The following LPCAT4 variants were observed in gnomAD, a reference collection of about 807,000 sequenced individuals.
The protein encoded by LPCAT4 is lysophosphatidylcholine acyltransferase 4.
A neutral mutation model predicts 66.5 loss-of-function variants in LPCAT4; 30 were observed. The observed-to-expected ratio is 0.45, with a 90% CI of 0.34 to 0.61. The LOEUF (loss-of-function observed/expected upper bound fraction) is 0.61, where lower values mean the gene tolerates loss of function less well. LPCAT4 is among the 20% of genes least tolerant of loss of function. The pLI, the probability that LPCAT4 is intolerant of heterozygous loss-of-function variation, is 0.01. For missense variants in LPCAT4, 557 were observed against 656.7 expected, an observed-to-expected ratio of 0.85 and a Z score of 1.66; for synonymous variants, 253 against 262.1, an observed-to-expected ratio of 0.97 and a Z score of 0.34.
intron 3 of LPCAT4, 89 bp from the exon 4 acceptor site, chr15:34,364,395 G>T: frequency 2.7e-6 from 2 of 734,918 alleles, no homozygotes; most frequent in Non-Finnish European, 4.6e-6. Flanking sequence ...AACAGCATGA[G>T]AAGTTTCTGT....
chr15:34,363,979 C>T lies in LPCAT4; in HGVS notation c.652+34G>A, dbSNP rs1891009476. The T allele has an allele frequency of 6.3e-7, 1 of 1,594,862 alleles. No homozygotes were observed. The highest frequency in any genetic ancestry group is 1.1e-5 in the South Asian group (1 of 89,976). On this transcript the variant is annotated intron_variant, in intron 5 of 13. Coordinates refer to ENST00000314891, the MANE Select transcript of LPCAT4 (RefSeq NM_153613.3). This position sits in a 1 kb window ranked among gnomAD's most constrained non-coding sequence, Gnocchi z 4.3. ...CTCCCCAAATCTGGAACTTCTTTTT[C>T]CTACAGCCCACCACCCACTATCATT... is the stretch of plus-strand genomic sequence containing the variant.
Position 34,359,003 on chromosome 15 carries a change from T to A in LPCAT4, c.*124A>T. Reference sequence around the variant, plus strand: ...AAATCAACCAAACAAAAAATTAAAATCAACTTAAAAAAACAACAACCAAAC... The same window carrying A: ...AAATCAACCAAACAAAAAATTAAAAACAACTTAAAAAAACAACAACCAAAC... On this transcript the variant is annotated 3_prime_UTR_variant, in exon 14 of 14. Coordinates refer to ENST00000314891, the MANE Select transcript of LPCAT4 (RefSeq NM_153613.3). 1 of 732,082 alleles carries A rather than the reference T, an allele frequency of 1.4e-6. No individual in the cohort carries two copies. Among genetic ancestry groups the A allele is most frequent in the Non-Finnish European group, 2.0e-6 (1 of 508,128 alleles). 45.3% of individuals were successfully genotyped at this position (732,082 alleles called of 1,614,324 possible). A position where few individuals can be genotyped will look rare whatever the true frequency, so the allele number is the denominator to read the frequency against.
Position 34,367,112 on chromosome 15 carries a change from G to GT in LPCAT4, c.-13dup, listed in dbSNP as rs1891099484. On this transcript the variant is annotated 5_prime_UTR_variant, in exon 1 of 14. Transcript: ENST00000314891. ...CTTCCCTGGCTCATGGCGGGAGAAG[G>GT]TGGGAGGGAGGGCACCCCGGCCCTG... 1.3e-6 allele frequency: 2 copies of GT among 1,533,570 alleles called. No homozygotes were observed. The highest frequency in any genetic ancestry group is 1.8e-6 in the Non-Finnish European group (2 of 1,139,020). The allele number at this position is 1,533,570 out of a possible 1,614,324, so 95.0% of individuals were successfully genotyped here.
rs765311498 is a variant in LPCAT4, at chr15:34,364,323, TAC to T, written c.479-19_479-18del. The T allele has an allele frequency of 1.3e-6, 2 of 1,551,924 alleles. No individual in the cohort carries two copies. Among genetic ancestry groups the T allele is most frequent in the East Asian group, 4.5e-5 (2 of 44,526 alleles). On this transcript the variant is annotated intron_variant, in intron 3 of 13. Coordinates refer to ENST00000314891, the MANE Select transcript of LPCAT4 (RefSeq NM_153613.3). ...GAAGAAGGGCTGGGGTTGGGAAGGA[TAC>T]AAAGAGGAATCACTTCTTTCCTACC...
At chr15:34,364,427 T>C (rs141096612) in intron 3 of LPCAT4, 121 bp from the exon 4 acceptor site, 71 of 183,702 alleles carry the variant, frequency 3.9e-4, no homozygotes, top group Non-Finnish European at 5.3e-4. Flanking sequence ...TTTTTTTTTC[T>C]GTTGTTGTTG....
At chr15:34,364,921 G>T in intron 3 of LPCAT4, 87 bp downstream of exon 3, 2 of 1,124,156 alleles carry the variant, frequency 1.8e-6, no homozygotes, top group Admixed American at 2.4e-5. Flanking sequence ...CCACTTTGAG[G>T]CCAGTTCTTC....
chr15:34,365,783 C>G, intron 1 of LPCAT4, 82 bp from the exon 2 acceptor site: 10 of 1,484,082 alleles, frequency 6.7e-6, no homozygotes, highest in Non-Finnish European at 9.2e-6. Flanking sequence ...AGCATAGACC[C>G]AGGAGCAGAC....
rs1044250989 is a variant in LPCAT4, at chr15:34,362,248, C to T, written c.958G>A (p.Val320Met). The T allele has an allele frequency of 6.2e-7, 1 of 1,613,988 alleles. No homozygotes were observed. The highest frequency in any genetic ancestry group is 1.1e-5 in the South Asian group (1 of 91,070). The change falls in exon 10 of 14, where the codon GTG (valine) becomes ATG (methionine). Residue 320 changes from valine (V) to methionine (M), a missense_variant. Physicochemically the swap from Val to Met is conservative, Grantham distance 21. This residue lies in a region of LPCAT4 where 392 missense variants were observed against 473.9 expected (regional missense o/e 0.83). Transcript: ENST00000314891. ...LPVIVVGRLKVALEPQLWELG... is the reference protein window; with the variant it reads ...LPVIVVGRLKMALEPQLWELG... ...TCCCAGAGCTGTGGTTCCAACGCCA[C>T]CTTCAGCCGGCCCACCACAATCACA...
At chr15:34,360,002 C>T in intron 12 of LPCAT4, 109 bp downstream of exon 12, 1 of 967,882 alleles carries the variant, frequency 1.0e-6, no homozygotes, top group Non-Finnish European at 1.6e-6. Context: ...GGTTGGATAC[C>T]AAATGCCTAG....
In LPCAT4 at chr15:34,359,863, T is replaced by C. The variant is rs1595617540; in HGVS notation, c.1243-118A>G. On this transcript the variant is annotated intron_variant, in intron 12 of 13. Coordinates refer to ENST00000314891, the MANE Select transcript of LPCAT4 (RefSeq NM_153613.3). Reference sequence around the variant, plus strand: ...AAAAGGGTGGTGCACAAGCCTTCCCTGACCCTCCAGTGCCCTTTCTGCAGA... The same window carrying C: ...AAAAGGGTGGTGCACAAGCCTTCCCCGACCCTCCAGTGCCCTTTCTGCAGA... The C allele has an allele frequency of 1.0e-5, 11 of 1,100,358 alleles. No homozygotes were observed. The East Asian group carries it at 2.8e-4, about 28-fold the overall frequency. 68.2% of individuals were successfully genotyped at this position (1,100,358 alleles called of 1,614,324 possible).
intron 10 of LPCAT4, among the ~76,000 whole-genome samples, 176 bp from the exon 11 acceptor site, chr15:34,361,708 C>CT (rs71119958): frequency 0.021 from 3,125 of 150,718 alleles, 50 homozygotes; most frequent in Non-Finnish European, 0.031. Flanking sequence ...CTTTTCTTTT[C>CT]TTTTTTTTTT....
intron 1 of LPCAT4, 97 bp downstream of exon 1, chr15:34,366,890 C>T: frequency 6.6e-7 from 1 of 1,506,786 alleles, no homozygotes; most frequent in South Asian, 1.2e-5. Flanking sequence ...CAGCCATCTC[C>T]TTCTCGTGGA....
Position 34,359,191 on chromosome 15 carries a change from G to T in LPCAT4, c.1511C>A (p.Ser504Tyr). ...RGTSQTPNAS[S>Y]PGNPTALANG... Reference sequence around the variant, plus strand: ...GGCCAGAGCAGTGGGGTTGCCTGGGGATGAGGCATTTGGTGTCTGGGAGGT... The same window carrying T: ...GGCCAGAGCAGTGGGGTTGCCTGGGTATGAGGCATTTGGTGTCTGGGAGGT... The change falls in exon 14 of 14, where the codon TCC becomes TAC. Residue 504 changes from serine (S) to tyrosine (Y), a missense_variant. Transcript: ENST00000314891. 6.2e-7 allele frequency: 1 copy of T among 1,605,510 alleles called. No individual in the cohort carries two copies. Among genetic ancestry groups the T allele is most frequent in the Non-Finnish European group, 8.5e-7 (1 of 1,176,310 alleles).
At position 34,363,098 on chromosome 15, in the gene LPCAT4, T is replaced by G. The variant is rs1336768367; in HGVS notation, c.747-262A>C. ...GAAGAACTGTAGGCAAGAGGAGGTT[T>G]GAGTAATGGAAGAAAAAGGCGAGAG... On this transcript the variant is annotated intron_variant, in intron 7 of 13. Coordinates refer to ENST00000314891, the MANE Select transcript of LPCAT4 (RefSeq NM_153613.3). The surrounding 1 kb of genome is among the most constrained non-coding windows in gnomAD (Gnocchi z 4.3). Among the ~76,000 whole-genome samples, 2 of 152,028 alleles carry G rather than the reference T, an allele frequency of 1.3e-5. No homozygotes were observed. The highest frequency in any genetic ancestry group is 4.8e-5 in the African/African-American group (2 of 41,356).
chr15:34,363,069 A>ATG lies in LPCAT4; in HGVS notation c.747-234_747-233insCA, dbSNP rs1163159553. Among the ~76,000 whole-genome samples, 5 of 152,242 alleles carry ATG rather than the reference A, an allele frequency of 3.3e-5. No homozygotes were observed. Among genetic ancestry groups the ATG allele is most frequent in the Non-Finnish European group, 7.4e-5 (5 of 67,998 alleles). On this transcript the variant is annotated intron_variant, in intron 7 of 13. Transcript: ENST00000314891. This position sits in a 1 kb window ranked among gnomAD's most constrained non-coding sequence, Gnocchi z 4.3. ...GAGAGCAGAGCTGCATGGATATGCC[A>ATG]GAGGAAGAACTGTAGGCAAGAGGAG...
intron 10 of LPCAT4, 46 bp downstream of exon 10, chr15:34,362,150 C>CTCTG (rs1890960403): frequency 3.7e-6 from 6 of 1,609,702 alleles, no homozygotes; most frequent in Non-Finnish European, 2.5e-6. Context: ...CTCTCTCTCT[C>CTCTG]TCTCTCTGTG....
chr15:34,359,674 G>A lies in LPCAT4; in HGVS notation c.1314C>T (p.His438=). The change falls in exon 13 of 14, where the codon CAC becomes CAT. Residue 438 remains histidine, a synonymous_variant. Transcript: ENST00000314891. ...LYKDGFSTIL[H]LLLGSPHPAA... Reference sequence around the variant, plus strand: ...CAGGGTGGGGTGAACCCAGCAGCAGGTGCAGGATGGTGCTGAAGCCGTCTT... The same window carrying A: ...CAGGGTGGGGTGAACCCAGCAGCAGATGCAGGATGGTGCTGAAGCCGTCTT... 1 of 1,613,772 alleles carries A rather than the reference G, an allele frequency of 6.2e-7. No homozygotes were observed. The highest frequency in any genetic ancestry group is 8.5e-7 in the Non-Finnish European group (1 of 1,180,004).
intron 1 of LPCAT4, 125 bp downstream of exon 1, chr15:34,366,862 C>T: frequency 1.4e-6 from 2 of 1,448,340 alleles, no homozygotes; most frequent in Non-Finnish European, 1.9e-6. Context: ...CCCCCGGACT[C>T]CCGCTCCGCA....
chr15:34,365,301 G>C, intron 2 of LPCAT4, 73 bp from the exon 3 acceptor site: 11 of 1,450,214 alleles, frequency 7.6e-6, no homozygotes, highest in Non-Finnish European at 1.0e-5. Context: ...TCAGACACCG[G>C]GAAAGTAGGG....
Sources: gnomAD v4.1 joint callset for allele counts (sites outside exome capture counted in the v4.1 genomes callset) on GRCh38, gnomAD v4.1.1 for gene constraint, gnomAD v4.1.1 regional missense constraint, Gnocchi (gnomAD v3.1) non-coding constraint, MANE v1.5 for transcripts, NCBI Gene and HGNC (gene_info 2026-07-23, HGNC 2026-07-21) for gene names.